The following WWOX variants were observed in gnomAD, a reference collection of about 807,000 sequenced individuals.
WWOX encodes the protein WW domain-containing oxidoreductase.
In WWOX, 69 loss-of-function variants were observed where a neutral mutation model predicts 46.2. The observed-to-expected ratio is 1.49, with a 90% CI of 1.23 to 1.82. The LOEUF is 1.82. Among genes scored for constraint, WWOX ranks in the 40% most tolerant of loss-of-function variants. The pLI is 0.00. For missense variants in WWOX, 919 were observed against 542.6 expected, an observed-to-expected ratio of 1.69 and a Z score of -6.89; for synonymous variants, 359 against 202.6, an observed-to-expected ratio of 1.77 and a Z score of -6.56.
intron 8 of WWOX, among the ~76,000 whole-genome samples, chr16:78,454,672 A>G (rs1179008303): frequency 6.6e-6 from 1 of 151,330 alleles, no homozygotes; most frequent in African/African-American, 2.4e-5. Flanking sequence ...TACCTGGGGA[A>G]TTTTTTTTTG....
chr16:78,957,920 A>C (rs1183034991), intron 8 of WWOX, among the ~76,000 whole-genome samples: 1 of 152,184 alleles, frequency 6.6e-6, no homozygotes. Flanking sequence ...TTTGTGCAAC[A>C]ACTCAATTCA....
At chr16:78,946,689 A>C (rs1168809684) in intron 8 of WWOX, among the ~76,000 whole-genome samples, 1 of 152,098 alleles carries the variant, frequency 6.6e-6, no homozygotes, top group Admixed American at 6.6e-5. Context: ...GCAGGCCTGG[A>C]AAACTGTGTG....
chr16:79,158,634 C>G (rs183321702), intron 8 of WWOX, among the ~76,000 whole-genome samples: 1 of 152,220 alleles, frequency 6.6e-6, no homozygotes, highest in Non-Finnish European at 1.5e-5. Context: ...GGGCCTTCAC[C>G]TTCAGCCTCT....
Position 78,795,212 on chromosome 16 carries a change from A to T in WWOX, c.1056+362460A>T, listed in dbSNP as rs1664631886. ...TTGTGCTAAGTGCTTTGCGGGCATTATGTTATTCACACTTCACAGATATTC... is the reference window on the plus strand; with the variant it reads ...TTGTGCTAAGTGCTTTGCGGGCATTTTGTTATTCACACTTCACAGATATTC... On this transcript the variant is annotated intron_variant, in intron 8 of 8. Coordinates refer to ENST00000566780, the MANE Select transcript of WWOX (RefSeq NM_016373.4). Among the ~76,000 whole-genome samples the T allele has an allele frequency of 6.6e-5, 10 of 152,326 alleles. 1 individual carries two copies. In the South Asian group the frequency reaches 2.1e-3, roughly 32 times the overall value.
At chr16:79,210,172 G>A (rs1260154604) in intron 8 of WWOX, among the ~76,000 whole-genome samples, 1 of 152,110 alleles carries the variant, frequency 6.6e-6, no homozygotes, top group African/African-American at 2.4e-5. Flanking sequence ...GACTGCATTT[G>A]ACCATTCAGT....
At chr16:79,161,545 C>T (rs943360281) in intron 8 of WWOX, among the ~76,000 whole-genome samples, 1 of 152,098 alleles carries the variant, frequency 6.6e-6, no homozygotes, top group Non-Finnish European at 1.5e-5. Context: ...GTTTTCAGGA[C>T]AGGGTCTTGT....
At chr16:78,975,581 T>C (rs567761449) in intron 8 of WWOX, among the ~76,000 whole-genome samples, 82 of 152,152 alleles carry the variant, frequency 5.4e-4, no homozygotes, top group Non-Finnish European at 1.0e-3. Flanking sequence ...ATGTACCATA[T>C]ACACATGGTA....
intron 8 of WWOX, among the ~76,000 whole-genome samples, chr16:79,103,710 T>G (rs1185358585): frequency 6.6e-6 from 1 of 152,144 alleles, no homozygotes; most frequent in African/African-American, 2.4e-5. Context: ...TAAACATTAT[T>G]ATTAATCCTA....
At chr16:78,882,725 G>C (rs575994593) in intron 8 of WWOX, among the ~76,000 whole-genome samples, 1 of 151,722 alleles carries the variant, frequency 6.6e-6, no homozygotes, top group Admixed American at 6.6e-5. Context: ...CTGACCTCAA[G>C]TGATCCACCC....
intron 5 of WWOX, among the ~76,000 whole-genome samples, chr16:78,325,521 C>A (rs971436901): frequency 1.3e-5 from 2 of 152,130 alleles, no homozygotes; most frequent in Non-Finnish European, 2.9e-5. Context: ...AAGTTACCAC[C>A]GTGATGGAGA....
intron 8 of WWOX, chr16:78,891,238 T>C (rs955849742): frequency 6.6e-6 from 1 of 152,202 alleles, no homozygotes; most frequent in South Asian, 2.1e-4. Context: ...TAACAATATG[T>C]AATTTCAGGT....
At chr16:78,812,593 G>T (rs1240968602) in intron 8 of WWOX, among the ~76,000 whole-genome samples, 1 of 151,876 alleles carries the variant, frequency 6.6e-6, no homozygotes, top group Non-Finnish European at 1.5e-5. Flanking sequence ...AGGCCTAGGC[G>T]CAGGCACCTG....
intron 8 of WWOX, among the ~76,000 whole-genome samples, chr16:78,679,993 A>G (rs2047692126): frequency 6.6e-6 from 1 of 152,208 alleles, no homozygotes; most frequent in African/African-American, 2.4e-5. Flanking sequence ...CCCTACCACT[A>G]ACTGACTCCA....
At chr16:78,101,703 A>G (rs751814624) in intron 1 of WWOX, among the ~76,000 whole-genome samples, 2 of 152,268 alleles carry the variant, frequency 1.3e-5, no homozygotes, top group Non-Finnish European at 2.9e-5. Flanking sequence ...ATTCTAATCT[A>G]TGCAAGGATG....
At chr16:78,608,436 C>T (rs893547584) in intron 8 of WWOX, among the ~76,000 whole-genome samples, 1 of 152,238 alleles carries the variant, frequency 6.6e-6, no homozygotes. Context: ...GCTCTTGCCC[C>T]AGGCAGAGTG....
At chr16:78,198,579 G>C (rs1047170559) in intron 5 of WWOX, among the ~76,000 whole-genome samples, 1 of 152,110 alleles carries the variant, frequency 6.6e-6, no homozygotes, top group African/African-American at 2.4e-5. Flanking sequence ...TGTTTTTGAT[G>C]CTCTCGTGGC....
At chr16:78,419,455 A>G (rs1287619361) in intron 6 of WWOX, among the ~76,000 whole-genome samples, 1 of 152,076 alleles carries the variant, frequency 6.6e-6, no homozygotes, top group Non-Finnish European at 1.5e-5. Flanking sequence ...ATAATAAAAT[A>G]GACTTGAGAG....
intron 5 of WWOX, among the ~76,000 whole-genome samples, chr16:78,300,397 T>A (rs773852744): frequency 2.0e-5 from 3 of 152,128 alleles, no homozygotes; most frequent in Non-Finnish European, 4.4e-5. Context: ...AGGCCGTTAC[T>A]CAGTGGGTGC....
At chr16:78,132,613 A>T (rs1277744447) in intron 4 of WWOX, among the ~76,000 whole-genome samples, 1 of 152,100 alleles carries the variant, frequency 6.6e-6, no homozygotes, top group African/African-American at 2.4e-5. Context: ...TACTCTTGAG[A>T]TGGTATGTGC....
Sources: allele counts gnomAD v4.1 joint callset (sites outside exome capture counted in the v4.1 genomes callset), GRCh38; gene constraint gnomAD v4.1.1; transcripts MANE v1.5; gene names NCBI Gene and HGNC (gene_info 2026-07-23, HGNC 2026-07-21).